Variants in CHST11 observed in about 807,000 individuals in gnomAD.
CHST11 encodes C4S-1.
Under a neutral mutation model 30.4 loss-of-function variants are expected in CHST11, and 9 were observed. The observed-to-expected ratio is 0.30, with a 90% CI of 0.18 to 0.52. The LOEUF is 0.52. Ranked by LOEUF, CHST11 falls within the 20% of genes least tolerant of loss-of-function variation. The probability of loss-of-function intolerance (pLI) is 0.97; values close to 1 mark genes in which losing one functional copy is unlikely to be tolerated. For missense variants in CHST11, 348 were observed against 460.6 expected (o/e 0.76, Z 2.24); for synonymous variants, 152 against 187.8 (o/e 0.81, Z 1.56).
chr12:104,662,609 C>A (rs2039607534), intron 2 of CHST11, among the ~76,000 whole-genome samples: 1 of 151,618 alleles, frequency 6.6e-6, no homozygotes, highest in East Asian at 1.9e-4. Flanking sequence ...AGATTTTTTC[C>A]ATCCTTTATT....
chr12:104,639,998 A>G (rs1797189509), intron 2 of CHST11, among the ~76,000 whole-genome samples: 1 of 152,230 alleles, frequency 6.6e-6, no homozygotes, highest in Non-Finnish European at 1.5e-5. Flanking sequence ...ATATGTCGTT[A>G]GGGAATTACA....
chr12:104,499,693 A>G (rs2037834070), intron 1 of CHST11, among the ~76,000 whole-genome samples: 1 of 152,194 alleles, frequency 6.6e-6, no homozygotes, highest in South Asian at 2.1e-4. Flanking sequence ...ACCAAAAAAA[A>G]AGAAGGAAAA....
chr12:104,485,524 G>C (rs1014484565), intron 1 of CHST11, among the ~76,000 whole-genome samples: 1 of 152,144 alleles, frequency 6.6e-6, no homozygotes, highest in Admixed American at 6.5e-5. Flanking sequence ...TCTGCTCACC[G>C]CAGAGGGTGA....
chr12:104,723,901 G>T (rs980155017), intron 2 of CHST11, among the ~76,000 whole-genome samples: 2 of 152,214 alleles, frequency 1.3e-5, no homozygotes, highest in Non-Finnish European at 2.9e-5. Flanking sequence ...AGCCTTGAGG[G>T]TTCATACTGG....
intron 1 of CHST11, among the ~76,000 whole-genome samples, chr12:104,573,631 T>G (rs905120652): frequency 1.3e-5 from 2 of 152,220 alleles, no homozygotes; most frequent in African/African-American, 4.8e-5. Context: ...ATTTAATAAA[T>G]GGTGCTGGGA....
chr12:104,704,394 G>C (rs560802405), intron 2 of CHST11, among the ~76,000 whole-genome samples: 129 of 152,316 alleles, frequency 8.5e-4, no homozygotes, highest in Non-Finnish European at 1.2e-3. Context: ...GAAGCTGCGG[G>C]AGCCGGGCAG....
At chr12:104,749,602 A>G (rs935361233) in intron 2 of CHST11, among the ~76,000 whole-genome samples, 8 of 152,220 alleles carry the variant, frequency 5.3e-5, no homozygotes, top group African/African-American at 1.4e-4. Context: ...ATTCTCTTTT[A>G]CTATGAGGGA....
intron 1 of CHST11, among the ~76,000 whole-genome samples, chr12:104,525,501 G>A (rs1325280237): frequency 6.6e-6 from 1 of 152,140 alleles, no homozygotes; most frequent in Non-Finnish European, 1.5e-5. Context: ...CCTGGGTTTG[G>A]ATTTCCATTT....
rs953900068 is a variant in CHST11, at chr12:104,729,713, G to A, written c.205-27236G>A. Reference sequence around the variant, plus strand: ...GTGCAGAATCGTACGGTGTGCAGACGGTGGCCTGGTGAAGTGCCGTGTACC... The same window carrying A: ...GTGCAGAATCGTACGGTGTGCAGACAGTGGCCTGGTGAAGTGCCGTGTACC... On this transcript the variant is annotated intron_variant, in intron 2 of 2. Coordinates refer to ENST00000303694, the MANE Select transcript of CHST11 (RefSeq NM_018413.6). The surrounding 1 kb of genome is among the most constrained non-coding windows in gnomAD (Gnocchi z 4.0). Among the ~76,000 whole-genome samples, 7 of 152,154 alleles carry A rather than the reference G, an allele frequency of 4.6e-5. No homozygotes were observed. Among genetic ancestry groups the A allele is most frequent in the African/African-American group, 7.2e-5 (3 of 41,430 alleles).
chr12:104,570,313 C>T (rs906685718), intron 1 of CHST11, among the ~76,000 whole-genome samples: 3 of 152,254 alleles, frequency 2.0e-5, no homozygotes, highest in East Asian at 3.9e-4. Context: ...TTTAACATTT[C>T]GCAAGCCTCC....
chr12:104,702,390 G>T (rs2039996278), intron 2 of CHST11, among the ~76,000 whole-genome samples: 1 of 152,192 alleles, frequency 6.6e-6, no homozygotes, highest in South Asian at 2.1e-4. Flanking sequence ...CTGAGGCATA[G>T]GGAGGTTAAA....
At chr12:104,517,907 C>T (rs560878689) in intron 1 of CHST11, among the ~76,000 whole-genome samples, 29 of 152,354 alleles carry the variant, frequency 1.9e-4, no homozygotes, top group Admixed American at 1.6e-3. Context: ...ATACCTACTG[C>T]ATGTCAGTGC....
At position 104,510,495 on chromosome 12, in the gene CHST11, C is replaced by T. The variant is rs188888135; in HGVS notation, c.118+52966C>T. 2.4e-3 allele frequency among the ~76,000 whole-genome samples: 365 copies of T among 152,292 alleles called. 1 individual carries two copies. The highest frequency in any genetic ancestry group is 2.0e-3 in the Non-Finnish European group (137 of 68,038). On this transcript the variant is annotated intron_variant, in intron 1 of 2. Coordinates refer to ENST00000303694, the MANE Select transcript of CHST11 (RefSeq NM_018413.6). ...CTGAGAGCTGCAGGAAACACCATGC[C>T]CACCTTGCTTGGTTTAAAGCCTTTG...
intron 2 of CHST11, among the ~76,000 whole-genome samples, chr12:104,634,197 T>A (rs901874740): frequency 6.6e-6 from 1 of 152,192 alleles, no homozygotes; most frequent in Non-Finnish European, 1.5e-5. Flanking sequence ...GGAAGCTCCA[T>A]GAGGACAGGG....
chr12:104,678,593 T>C (rs1055140944), intron 2 of CHST11, among the ~76,000 whole-genome samples: 15 of 152,240 alleles, frequency 9.9e-5, no homozygotes, highest in Non-Finnish European at 2.9e-5. Flanking sequence ...TCAGGTATAC[T>C]GGAGGTATTA....
intron 2 of CHST11, among the ~76,000 whole-genome samples, chr12:104,620,004 A>G (rs1354184030): frequency 6.6e-6 from 1 of 152,178 alleles, no homozygotes; most frequent in Non-Finnish European, 1.5e-5. Flanking sequence ...GTCATTCTAT[A>G]ATTGTCATTC....
At chr12:104,747,265 C>T (rs1057082839) in intron 2 of CHST11, among the ~76,000 whole-genome samples, 2 of 152,352 alleles carry the variant, frequency 1.3e-5, no homozygotes, top group East Asian at 1.9e-4. Flanking sequence ...TGCAGGGTCT[C>T]AGACCACAGT....
chr12:104,593,736 T>C (rs1412832750), intron 1 of CHST11, among the ~76,000 whole-genome samples: 1 of 152,160 alleles, frequency 6.6e-6, no homozygotes. Flanking sequence ...GAGCCTCAGC[T>C]TCCTTGTCTG....
chr12:104,661,482 A>G (rs556071789), intron 2 of CHST11, among the ~76,000 whole-genome samples: 1 of 152,248 alleles, frequency 6.6e-6, no homozygotes, highest in East Asian at 1.9e-4. Flanking sequence ...GGCCGAGGTG[A>G]GAAGATCACT....
Sources: gnomAD v4.1 joint callset for allele counts (sites outside exome capture counted in the v4.1 genomes callset) on GRCh38, gnomAD v4.1.1 for gene constraint, Gnocchi (gnomAD v3.1) non-coding constraint, MANE v1.5 for transcripts, NCBI Gene and HGNC (gene_info 2026-07-23, HGNC 2026-07-21) for gene names.